Variants in EDAR observed in about 807,000 individuals in gnomAD.
The protein encoded by EDAR is ectodysplasin A receptor.
EDAR carries 38 observed loss-of-function variants against 51.3 expected under a neutral mutation model. The ratio of observed to expected loss-of-function variants is 0.74; its 90% confidence interval spans 0.57 to 0.97. The LOEUF (loss-of-function observed/expected upper bound fraction) is 0.97, where lower values mean the gene tolerates loss of function less well. EDAR is among the 50% of genes least tolerant of loss of function. The pLI is 0.00. For missense variants in EDAR, 528 were observed against 595.0 expected (o/e 0.89, Z 1.17); for synonymous variants, 227 against 242.1 (o/e 0.94, Z 0.58).
intron 4 of EDAR, among the ~76,000 whole-genome samples, chr2:108,926,970 C>T (rs1169637470): frequency 6.6e-6 from 1 of 152,210 alleles, no homozygotes; most frequent in Non-Finnish European, 1.5e-5. Context: ...CAGGGTCCTA[C>T]CCTGGGGAAG....
At chr2:108,982,224 G>T (rs1698431987) in intron 1 of EDAR, among the ~76,000 whole-genome samples, 1 of 152,192 alleles carries the variant, frequency 6.6e-6, no homozygotes, top group African/African-American at 2.4e-5. Flanking sequence ...CTCTAACAAA[G>T]AAATGTTCCA....
intron 10 of EDAR, 82 bp from the exon 11 acceptor site, chr2:108,906,450 A>T: frequency 6.9e-7 from 1 of 1,456,952 alleles, no homozygotes; most frequent in Non-Finnish European, 9.6e-7. Flanking sequence ...CAGCAGGGGC[A>T]GGCAGCAGCT....
intron 5 of EDAR, among the ~76,000 whole-genome samples, chr2:108,915,620 C>T (rs545496939): frequency 2.0e-5 from 3 of 152,028 alleles, no homozygotes; most frequent in African/African-American, 4.8e-5. Context: ...AAAGAGCTGC[C>T]CAGGCACGGT....
chr2:108,980,270 T>A (rs1448960307), intron 1 of EDAR, among the ~76,000 whole-genome samples: 1 of 151,912 alleles, frequency 6.6e-6, no homozygotes, highest in Non-Finnish European at 1.5e-5. Flanking sequence ...AGTGAGAGAA[T>A]CCCAGGGAGG....
intron 11 of EDAR, among the ~76,000 whole-genome samples, chr2:108,902,839 G>A (rs898960574): frequency 2.8e-4 from 42 of 152,144 alleles, no homozygotes; most frequent in Non-Finnish European, 5.4e-4. Flanking sequence ...TCAGAAATAA[G>A]GCAAGGATTT....
Position 108,911,075 on chromosome 2 carries a change from G to C in EDAR, c.530-3C>G. ...CAGGTGTCCTTGGCCTGAGAGTTCT[G>C]TGGGTGGAGAGAAGGCATGAATGAC... On this transcript the variant is annotated splice_polypyrimidine_tract_variant and splice_region_variant and intron_variant, in intron 6 of 11. Coordinates refer to ENST00000258443, the MANE Select transcript of EDAR (RefSeq NM_022336.4). 6.2e-7 allele frequency: 1 copy of C among 1,614,160 alleles called. No individual in the cohort carries two copies. Among genetic ancestry groups the C allele is most frequent in the Non-Finnish European group, 8.5e-7 (1 of 1,180,026 alleles).
At chr2:108,930,025 C>A in intron 3 of EDAR, 95 bp downstream of exon 3, 1 of 1,441,292 alleles carries the variant, frequency 6.9e-7, no homozygotes, top group Non-Finnish European at 9.4e-7. Context: ...ACCCTGGCAT[C>A]CCCTCACACA....
chr2:108,930,340 C>T (rs964300829), intron 2 of EDAR, 98 bp from the exon 3 acceptor site: 30 of 1,432,546 alleles, frequency 2.1e-5, no homozygotes, highest in African/African-American at 1.3e-4. Context: ...GGGTGCCCTG[C>T]GGTGGGGGCT....
At chr2:108,934,101 A>G (rs547650490) in intron 1 of EDAR, among the ~76,000 whole-genome samples, 22 of 152,336 alleles carry the variant, frequency 1.4e-4, no homozygotes, top group African/African-American at 5.3e-4. Context: ...AGGAGCACTT[A>G]TCGAAAGGCG....
rs66741499 is a variant in EDAR, at chr2:108,962,674, CAAA to C, written c.-19+26283_-19+26285del. Among the ~76,000 whole-genome samples, 218 of 66,822 alleles carry C rather than the reference CAAA, an allele frequency of 3.3e-3. 6 individuals carry two copies. The highest frequency in any genetic ancestry group is 0.015 in the African/African-American group (184 of 12,626). 43.8% of individuals were successfully genotyped at this position (66,822 alleles called of 152,430 possible). On this transcript the variant is annotated intron_variant, in intron 1 of 11. Transcript: ENST00000258443. ...TGGGCGACAGAGCGAGACTCTGTCT[CAAA>C]AAAAAAAAAAAAAAAAAAAAAAAAG...
At chr2:108,910,346 C>T in intron 9 of EDAR, 114 bp downstream of exon 9, 2 of 854,800 alleles carry the variant, frequency 2.3e-6, no homozygotes, top group Non-Finnish European at 3.9e-6. Flanking sequence ...CGCCGAACGT[C>T]CCCATAGTGT....
chr2:108,967,097 G>A (rs1698162406), intron 1 of EDAR, among the ~76,000 whole-genome samples: 1 of 152,132 alleles, frequency 6.6e-6, no homozygotes, highest in Admixed American at 6.6e-5. Flanking sequence ...ACCATGCCAG[G>A]CTAATTTTTG....
chr2:108,972,502 G>T (rs1460520190), intron 1 of EDAR, among the ~76,000 whole-genome samples: 2 of 152,218 alleles, frequency 1.3e-5, no homozygotes, highest in Non-Finnish European at 2.9e-5. Context: ...CCGGGGCAGG[G>T]CAAGGTCAGG....
chr2:108,982,339 TG>T (rs1204927560), intron 1 of EDAR, among the ~76,000 whole-genome samples: 1 of 152,212 alleles, frequency 6.6e-6, no homozygotes, highest in Non-Finnish European at 1.5e-5. Flanking sequence ...AGACCCTCCC[TG>T]GTGGGAGGCT....
At chr2:108,976,611 T>C (rs189650110) in intron 1 of EDAR, among the ~76,000 whole-genome samples, 5 of 152,326 alleles carry the variant, frequency 3.3e-5, no homozygotes, top group Admixed American at 2.6e-4. Flanking sequence ...GACCTGCCTC[T>C]TCTCTGTTAT....
At chr2:108,946,076 G>A (rs1697709156) in intron 1 of EDAR, among the ~76,000 whole-genome samples, 2 of 152,126 alleles carry the variant, frequency 1.3e-5, no homozygotes, top group Admixed American at 6.5e-5. Context: ...CATTAGGGAG[G>A]GCTGCCAAGT....
At position 108,910,832 on chromosome 2, in the gene EDAR, G is replaced by A. The variant is rs376622302; in HGVS notation, c.674C>T (p.Pro225Leu). 111 of 1,613,886 alleles carry A rather than the reference G, an allele frequency of 6.9e-5. No individual in the cohort carries two copies. The highest frequency in any genetic ancestry group is 8.1e-5 in the Non-Finnish European group (95 of 1,180,016). Residue 225 changes from proline (P) to leucine (L), a missense_variant, in exon 8 of 12, where the codon CCG becomes CTG. Pro to Leu is a moderately conservative substitution (Grantham distance 98). Transcript: ENST00000258443. ...CACTTGGGCCTCCACGCTCTTCCCCGGGTGGCTGGTGCAACAGGCTGGGGA... is the reference window on the plus strand; with the variant it reads ...CACTTGGGCCTCCACGCTCTTCCCCAGGTGGCTGGTGCAACAGGCTGGGGA... Reference protein sequence around the residue: ...PSAPACCTSHPGKSVEAQVSK... With the variant: ...PSAPACCTSHLGKSVEAQVSK...
At chr2:108,928,066 C>T (rs773526985) in intron 4 of EDAR, among the ~76,000 whole-genome samples, 7 of 152,094 alleles carry the variant, frequency 4.6e-5, no homozygotes, top group Admixed American at 1.3e-4. Flanking sequence ...GCATCAGCTT[C>T]GAGCGGAAGG....
chr2:108,942,076 A>C (rs1347514006), intron 1 of EDAR, among the ~76,000 whole-genome samples: 1 of 152,174 alleles, frequency 6.6e-6, no homozygotes, highest in Non-Finnish European at 1.5e-5. Flanking sequence ...TGTGTTTGGA[A>C]GTGGACCTGC....
Sources: gnomAD v4.1 joint callset for allele counts (sites outside exome capture counted in the v4.1 genomes callset) on GRCh38, gnomAD v4.1.1 for gene constraint, MANE v1.5 for transcripts, NCBI Gene and HGNC (gene_info 2026-07-23, HGNC 2026-07-21) for gene names.